RGS12: variants seen among roughly 807,000 people sequenced by gnomAD.
RGS12 encodes the protein regulator of G protein signaling 12, also known as regulator of G-protein signaling 12.
Under a neutral mutation model 120.1 loss-of-function variants are expected in RGS12, and 66 were observed. That is an observed-to-expected ratio of 0.55 (90% CI 0.45 to 0.67). RGS12 has a LOEUF of 0.67. Among genes scored for constraint, RGS12 ranks in the 30% least tolerant of loss-of-function variants. The pLI is 0.00. For synonymous variants in RGS12, 827 were observed against 804.7 expected (o/e 1.03, Z -0.47); for missense variants, 1,859 against 1,957.7 (o/e 0.95, Z 0.95).
chr4:3,428,355 T>G (rs537981808), intron 15 of RGS12, 186 bp downstream of exon 15: 10 of 781,500 alleles, frequency 1.3e-5, no homozygotes, highest in South Asian at 4.7e-5. Flanking sequence ...GGACTGGCTT[T>G]CTTTTCTTCT....
chr4:3,421,948 G>A (rs144916223), intron 10 of RGS12, among the ~76,000 whole-genome samples: 2,319 of 152,352 alleles, frequency 0.015, 20 homozygotes, highest in Non-Finnish European at 0.024. Context: ...CAGTGCCGAC[G>A]AAGTCACAGT....
rs143475051 is a variant in RGS12, at chr4:3,433,188, G to A, written c.4114+2233G>A. The stretch of plus-strand genomic sequence containing the variant: ...GGTTTAGGAGCTTGGGGGTCATCCC[G>A]GGTCACGCTCTCCGACGTTGACAGT... On this transcript the variant is annotated intron_variant, in intron 17 of 17. Transcript: ENST00000336727. This position sits in a 1 kb window ranked among gnomAD's most constrained non-coding sequence, Gnocchi z 4.4. Among the ~76,000 whole-genome samples, 288 of 152,310 alleles carry A rather than the reference G, an allele frequency of 1.9e-3. 1 individual carries two copies. The highest frequency in any genetic ancestry group is 3.7e-3 in the Admixed American group (57 of 15,312).
intron 3 of RGS12, among the ~76,000 whole-genome samples, chr4:3,363,811 AG>A (rs1715991617): frequency 6.6e-6 from 1 of 152,026 alleles, no homozygotes. Context: ...CCTGGGACCC[AG>A]GGGTCAGGGA....
chr4:3,292,960 T>C (rs1723122731), upstream of RGS12: 1 of 71,542 alleles, frequency 1.4e-5, no homozygotes, highest in Non-Finnish European at 3.1e-5. Flanking sequence ...GCCCCGCCCC[T>C]CTCCGTCCCC....
intron 4 of RGS12, among the ~76,000 whole-genome samples, chr4:3,405,773 G>A (rs904382503): frequency 2.0e-5 from 3 of 152,206 alleles, no homozygotes; most frequent in Non-Finnish European, 2.9e-5. Context: ...AAGGGAGAAT[G>A]GGCGGAAGGG....
chr4:3,324,439 T>G, intron 2 of RGS12: 1 of 248,450 alleles, frequency 4.0e-6, no homozygotes. Context: ...CAACAGTCTC[T>G]GCTTCTTCTC....
chr4:3,411,767 T>TG (rs34187907), intron 4 of RGS12, among the ~76,000 whole-genome samples: 4 of 152,330 alleles, frequency 2.6e-5, no homozygotes, highest in Non-Finnish European at 5.9e-5. Flanking sequence ...ACTTGCCACA[T>TG]GGGGGGGAGT....
chr4:3,367,634 C>G (rs1237274858), intron 3 of RGS12, among the ~76,000 whole-genome samples: 1 of 152,250 alleles, frequency 6.6e-6, no homozygotes, highest in African/African-American at 2.4e-5. Flanking sequence ...TCATCCCCGT[C>G]TCCCCAGGGC....
Position 3,433,744 on chromosome 4 carries a change from C to T in RGS12, c.4114+2789C>T, listed in dbSNP as rs554263631. 3.9e-5 allele frequency among the ~76,000 whole-genome samples: 6 copies of T among 152,194 alleles called. No individual in the cohort carries two copies. The highest frequency in any genetic ancestry group is 1.9e-4 in the East Asian group (1 of 5,174). On this transcript the variant is annotated intron_variant, in intron 17 of 17. Transcript: ENST00000336727. This position sits in a 1 kb window ranked among gnomAD's most constrained non-coding sequence, Gnocchi z 4.4. Reference sequence around the variant, plus strand: ...CACCGCCCCATGCTTCTAGCCCCAGCGCCACACGCCACGCGGCACTCCACC... The same window carrying T: ...CACCGCCCCATGCTTCTAGCCCCAGTGCCACACGCCACGCGGCACTCCACC...
In RGS12 at chr4:3,365,021, A is replaced by G. The variant is rs1197448201; in HGVS notation, c.1999-21395A>G. On this transcript the variant is annotated intron_variant, in intron 3 of 17. Transcript: ENST00000336727. The surrounding 1 kb of genome is among the most constrained non-coding windows in gnomAD (Gnocchi z 4.0). ...CTCCTGCACCCAGGGCAGAAGCTGC[A>G]CCTTTCCAGGGGAGCAGAAGGGGCA... is the stretch of plus-strand genomic sequence containing the variant. 1.3e-5 allele frequency among the ~76,000 whole-genome samples: 2 copies of G among 152,054 alleles called. No homozygotes were observed.
intron 3 of RGS12, among the ~76,000 whole-genome samples, chr4:3,375,412 GCCTCATCTCCAGC>G (rs1717560838): frequency 1.6e-5 from 1 of 62,652 alleles, no homozygotes; most frequent in African/African-American, 5.0e-5. Flanking sequence ...CTCATCTCCA[GCCTCATCTCCAGC>G]CCTCATCTCC....
intron 2 of RGS12, among the ~76,000 whole-genome samples, chr4:3,340,964 G>A (rs773062073): frequency 7.9e-5 from 12 of 152,090 alleles, no homozygotes; most frequent in Non-Finnish European, 1.6e-4. Context: ...TGTGCTTCTA[G>A]GCCTCTGCCT....
Position 3,374,355 on chromosome 4 carries a change from A to G in RGS12, c.1999-12061A>G, listed in dbSNP as rs1443716905. 2.0e-5 allele frequency among the ~76,000 whole-genome samples: 3 copies of G among 152,128 alleles called. No homozygotes were observed. Among genetic ancestry groups the G allele is most frequent in the Non-Finnish European group, 4.4e-5 (3 of 68,014 alleles). On this transcript the variant is annotated intron_variant, in intron 3 of 17. Coordinates refer to ENST00000336727, the MANE Select transcript of RGS12 (RefSeq NM_001394154.1). The surrounding 1 kb of genome is among the most constrained non-coding windows in gnomAD (Gnocchi z 6.3). ...TGTCAGGTCTTCACGGGGGAGGCCT[A>G]GGCTGGGCGGGGACCGGTCTCCTTC...
At chr4:3,308,916 T>A (rs1000539144) in intron 1 of RGS12, among the ~76,000 whole-genome samples, 1 of 152,176 alleles carries the variant, frequency 6.6e-6, no homozygotes, top group Admixed American at 6.5e-5. Flanking sequence ...CTGTTTTCCT[T>A]ATGTTGCAGC....
rs1193066992 is a variant in RGS12, at chr4:3,316,386, G to A, written c.216G>A (p.Val72=). The change falls in exon 2 of 18, where the codon GTG becomes GTA. Residue 72 remains valine (V), a synonymous_variant. Transcript: ENST00000336727. ...DQILAVNEIN[V]KKASHEDVVK... ...TACTTGCTGTCAATGAAATCAACGT[G>A]AAAAAAGCATCTCATGAAGATGTAG... 2.5e-6 allele frequency: 4 copies of A among 1,613,848 alleles called. No homozygotes were observed. Among genetic ancestry groups the A allele is most frequent in the Non-Finnish European group, 3.4e-6 (4 of 1,179,898 alleles).
At chr4:3,312,569 C>T in intron 1 of RGS12, 1 of 229,656 alleles carries the variant, frequency 4.4e-6, no homozygotes, top group South Asian at 7.8e-5. Context: ...TGTGCAGCCT[C>T]CTGAGCTAAC....
At chr4:3,331,646 GGTCACA>G (rs1711859738) in intron 2 of RGS12, among the ~76,000 whole-genome samples, 1 of 152,182 alleles carries the variant, frequency 6.6e-6, no homozygotes, top group Non-Finnish European at 1.5e-5. Context: ...ATTCTAAAAG[GGTCACA>G]GCTCAGGCCC....
At chr4:3,436,219 C>T (rs991339563) in intron 17 of RGS12, among the ~76,000 whole-genome samples, 12 of 152,126 alleles carry the variant, frequency 7.9e-5, no homozygotes, top group Middle Eastern at 3.2e-3. Flanking sequence ...AGCAGGAGCC[C>T]GTGGGGTGCG....
chr4:3,421,644 T>G (rs1468361981), intron 10 of RGS12, among the ~76,000 whole-genome samples: 1 of 152,198 alleles, frequency 6.6e-6, no homozygotes, highest in African/African-American at 2.4e-5. Context: ...TTCGTTCGCC[T>G]CACTCAGCGG....
Sources: allele counts gnomAD v4.1 joint callset (sites outside exome capture counted in the v4.1 genomes callset), GRCh38; gene constraint gnomAD v4.1.1; non-coding constraint Gnocchi (gnomAD v3.1); transcripts MANE v1.5; gene names NCBI Gene and HGNC (gene_info 2026-07-23, HGNC 2026-07-21).